Variants in CXCL13 observed in about 807,000 individuals in gnomAD.
CXCL13 encodes C-X-C motif chemokine ligand 13, also known as C-X-C motif chemokine 13.
A neutral mutation model predicts 12.2 loss-of-function variants in CXCL13; 7 were observed. That is an observed-to-expected ratio of 0.57 (90% CI 0.33 to 1.07). CXCL13 has a LOEUF of 1.07. Ranked by LOEUF, CXCL13 falls within the 50% of genes least tolerant of loss-of-function variation. The probability of loss-of-function intolerance (pLI) is 0.04; values close to 1 mark genes in which losing one functional copy is unlikely to be tolerated. For synonymous variants in CXCL13, 47 were observed against 42.4 expected, an observed-to-expected ratio of 1.11 and a Z score of -0.42; for missense variants, 113 against 127.4, an observed-to-expected ratio of 0.89 and a Z score of 0.55.
chr4:77,550,546 G>A (rs963236643), intron 1 of CXCL13, among the ~76,000 whole-genome samples: 2 of 152,216 alleles, frequency 1.3e-5, no homozygotes, highest in South Asian at 4.1e-4. Flanking sequence ...CCAAGCATGT[G>A]GTTGATTTAA....
intron 1 of CXCL13, among the ~76,000 whole-genome samples, chr4:77,594,768 G>A (rs926425818): frequency 6.6e-6 from 1 of 152,184 alleles, no homozygotes; most frequent in African/African-American, 2.4e-5. Flanking sequence ...AGGAGGCTGG[G>A]GAAGGGAGAG....
At chr4:77,542,361 T>G (rs1057086899) in intron 1 of CXCL13, among the ~76,000 whole-genome samples, 2 of 152,186 alleles carry the variant, frequency 1.3e-5, no homozygotes, top group Non-Finnish European at 2.9e-5. Flanking sequence ...TAGATGACTC[T>G]TATTATTTTG....
intron 1 of CXCL13, among the ~76,000 whole-genome samples, chr4:77,526,207 A>T (rs1200763985): frequency 6.6e-6 from 1 of 152,110 alleles, no homozygotes; most frequent in East Asian, 1.9e-4. Context: ...TTAATCAAAT[A>T]AACAAGAGGT....
chr4:77,571,804 C>T (rs1310016729), intron 1 of CXCL13, among the ~76,000 whole-genome samples: 1 of 151,782 alleles, frequency 6.6e-6, no homozygotes, highest in African/African-American at 2.4e-5. Flanking sequence ...AATCTTGCTA[C>T]TGCTTAGTCT....
intron 1 of CXCL13, among the ~76,000 whole-genome samples, chr4:77,517,676 C>T (rs1456656888): frequency 6.6e-6 from 1 of 152,108 alleles, no homozygotes; most frequent in Non-Finnish European, 1.5e-5. Flanking sequence ...CTTCCTCCAT[C>T]CCTTTATTTT....
intron 1 of CXCL13, among the ~76,000 whole-genome samples, chr4:77,580,768 C>T (rs1282158296): frequency 3.3e-5 from 4 of 119,420 alleles, no homozygotes; most frequent in African/African-American, 1.3e-4. Flanking sequence ...TCCTCTCCCT[C>T]CTTCCCCTCT....
intron 1 of CXCL13, among the ~76,000 whole-genome samples, chr4:77,585,555 C>T (rs770074152): frequency 5.3e-5 from 8 of 152,144 alleles, no homozygotes; most frequent in Non-Finnish European, 1.0e-4. Flanking sequence ...TGAAAGCTGC[C>T]GTTAGCTCTG....
At chr4:77,516,248 A>G (rs1198233645) in intron 1 of CXCL13, among the ~76,000 whole-genome samples, 4 of 152,144 alleles carry the variant, frequency 2.6e-5, no homozygotes, top group Non-Finnish European at 5.9e-5. Context: ...ATGTTCATCA[A>G]GGATATTGGT....
At chr4:77,543,718 A>G (rs1725262203) in intron 1 of CXCL13, among the ~76,000 whole-genome samples, 1 of 151,962 alleles carries the variant, frequency 6.6e-6, no homozygotes, top group Admixed American at 6.6e-5. Context: ...GGTCTGAGAA[A>G]ATGGTTGTTA....
At chr4:77,515,514 G>T (rs1161797795) in intron 1 of CXCL13, among the ~76,000 whole-genome samples, 1 of 152,114 alleles carries the variant, frequency 6.6e-6, no homozygotes, top group Admixed American at 6.6e-5. Flanking sequence ...CCTTGAGGAG[G>T]TCCTTCACAT....
At chr4:77,540,045 C>A (rs1221551550) in intron 1 of CXCL13, among the ~76,000 whole-genome samples, 1 of 152,082 alleles carries the variant, frequency 6.6e-6, no homozygotes, top group African/African-American at 2.4e-5. Flanking sequence ...AAGAAATTAA[C>A]TTCATATAAT....
chr4:77,582,309 T>A (rs1371623216), intron 1 of CXCL13, among the ~76,000 whole-genome samples: 1 of 152,142 alleles, frequency 6.6e-6, no homozygotes, highest in African/African-American at 2.4e-5. Context: ...TGGATGAATA[T>A]ATAATTACTA....
At chr4:77,582,745 G>A (rs1361451538) in intron 1 of CXCL13, among the ~76,000 whole-genome samples, 2 of 152,174 alleles carry the variant, frequency 1.3e-5, no homozygotes, top group Non-Finnish European at 2.9e-5. Context: ...AAATGCTTCT[G>A]CTGCAATATG....
intron 1 of CXCL13, among the ~76,000 whole-genome samples, chr4:77,585,117 C>A (rs1726422577): frequency 6.6e-6 from 1 of 152,130 alleles, no homozygotes; most frequent in Non-Finnish European, 1.5e-5. Context: ...CATCTTACAG[C>A]ATGACTGCAT....
intron 1 of CXCL13, among the ~76,000 whole-genome samples, chr4:77,530,552 T>C (rs1400388539): frequency 6.6e-6 from 1 of 152,252 alleles, no homozygotes; most frequent in Non-Finnish European, 1.5e-5. Flanking sequence ...GATTTTCTAG[T>C]TTATTTCATA....
intron 1 of CXCL13, among the ~76,000 whole-genome samples, chr4:77,540,081 T>G (rs144634455): frequency 1.3e-5 from 2 of 152,150 alleles, no homozygotes; most frequent in East Asian, 3.8e-4. Flanking sequence ...AGACACGATA[T>G]TTTTTATGTT....
chr4:77,546,620 AT>A lies in CXCL13; in HGVS notation c.-43+34835del, dbSNP rs561342536. On this transcript the variant is annotated intron_variant, in intron 1 of 4. Transcript: ENST00000286758. ...CCCCTTTATCATTTTTATTGCATCTATTTGATTCTTCTCTATTTTCTTTATT... is the reference window on the plus strand; with the variant it reads ...CCCCTTTATCATTTTTATTGCATCTATTGATTCTTCTCTATTTTCTTTATT... Among the ~76,000 whole-genome samples, 269 of 152,020 alleles carry A rather than the reference AT, an allele frequency of 1.8e-3. 1 individual carries two copies. The highest frequency in any genetic ancestry group is 6.9e-3 in the Admixed American group (105 of 15,264).
In CXCL13 at chr4:77,562,656, G is replaced by A. The variant is rs1238725786; in HGVS notation, c.-42-43168G>A. Among the ~76,000 whole-genome samples the A allele has an allele frequency of 3.5e-5, 5 of 142,604 alleles. No individual in the cohort carries two copies. In the East Asian group the frequency reaches 7.7e-4, roughly 22 times the overall value. 93.6% of individuals were successfully genotyped at this position (142,604 alleles called of 152,430 possible). On this transcript the variant is annotated intron_variant, in intron 1 of 4. Transcript: ENST00000286758. ...CTCTGTATCTAGCTAATCTGGTGGG[G>A]ACTTGGAGAACCTTTATGTCTAGCT... is the stretch of plus-strand genomic sequence containing the variant.
intron 1 of CXCL13, among the ~76,000 whole-genome samples, chr4:77,525,894 G>A (rs1437446752): frequency 6.7e-6 from 1 of 149,416 alleles, no homozygotes; most frequent in African/African-American, 2.5e-5. Flanking sequence ...TTAGGCAAAG[G>A]TAGGCTTTTT....
Sources: gnomAD v4.1 joint callset for allele counts (sites outside exome capture counted in the v4.1 genomes callset) on GRCh38, gnomAD v4.1.1 for gene constraint, MANE v1.5 for transcripts, NCBI Gene and HGNC (gene_info 2026-07-23, HGNC 2026-07-21) for gene names.